The following SNX24 variants were observed in gnomAD, a reference collection of about 807,000 sequenced individuals.
SNX24 encodes the protein sorting nexin 24, also known as sorting nexin-24.
SNX24 carries 22 observed loss-of-function variants against 28.7 expected under a neutral mutation model. The observed-to-expected ratio is 0.77, with a 90% CI of 0.55 to 1.10. The LOEUF is 1.10. Among genes scored for constraint, SNX24 ranks in the 50% least tolerant of loss-of-function variants. SNX24 has a pLI of 0.00. For missense variants in SNX24, 221 were observed against 201.1 expected (o/e 1.10, Z -0.60); for synonymous variants, 69 against 71.5 (o/e 0.96, Z 0.18).
At chr5:122,960,870 A>G (rs1436432781) in intron 3 of SNX24, among the ~76,000 whole-genome samples, 2 of 152,168 alleles carry the variant, frequency 1.3e-5, no homozygotes, top group African/African-American at 4.8e-5. Context: ...CATGAAAACT[A>G]CAATGGTTAA....
intron 3 of SNX24, among the ~76,000 whole-genome samples, chr5:122,972,621 C>T (rs578102752): frequency 1.3e-5 from 2 of 152,286 alleles, no homozygotes; most frequent in East Asian, 3.9e-4. Flanking sequence ...GTGCCTTGAT[C>T]AGAGGCAGTG....
chr5:122,890,875 A>G (rs372799363), intron 1 of SNX24, among the ~76,000 whole-genome samples: 2 of 152,204 alleles, frequency 1.3e-5, no homozygotes, highest in South Asian at 2.1e-4. Context: ...CGTTAACTGT[A>G]ATCCTTTTTT....
intron 1 of SNX24, among the ~76,000 whole-genome samples, chr5:122,921,970 G>GA (rs1255440815): frequency 2.0e-5 from 3 of 152,112 alleles, no homozygotes; most frequent in Middle Eastern, 3.2e-3. Context: ...GAAGCTCTTG[G>GA]AATGTCCTTT....
rs1319346097 is a variant in SNX24, at chr5:122,875,775, AACATGAGGAAC to A, written c.60+30085_60+30095del. ...TGGTAGTCCTCTTTATGGCAAGCAA[AACATGAGGAAC>A]ACTTATTTATTTATTTTTTTGAGAC... On this transcript the variant is annotated intron_variant, in intron 1 of 6. Transcript: ENST00000261369. Among the ~76,000 whole-genome samples the A allele has an allele frequency of 3.9e-5, 6 of 152,312 alleles. No homozygotes were observed. The South Asian group carries it at 1.2e-3, about 32-fold the overall frequency.
chr5:122,914,589 A>G (rs1485260358), intron 1 of SNX24, among the ~76,000 whole-genome samples: 3 of 151,012 alleles, frequency 2.0e-5, no homozygotes, highest in Non-Finnish European at 4.4e-5. Context: ...TTATTGGTCT[A>G]TTCAGAGATT....
intron 1 of SNX24, among the ~76,000 whole-genome samples, chr5:122,869,761 AAT>A (rs1407176367): frequency 6.6e-6 from 1 of 152,176 alleles, no homozygotes; most frequent in African/African-American, 2.4e-5. Flanking sequence ...GTAGACTCTG[AAT>A]TCATTGTCTG....
At chr5:122,929,875 CTTT>C (rs1014217899) in intron 1 of SNX24, among the ~76,000 whole-genome samples, 1 of 150,100 alleles carries the variant, frequency 6.7e-6, no homozygotes, top group Admixed American at 6.6e-5. Context: ...TTGTGAATTC[CTTT>C]TTTTTTCTTT....
At chr5:123,000,167 A>C (rs1169125907) in intron 4 of SNX24, among the ~76,000 whole-genome samples, 161 bp downstream of exon 4, 1 of 152,202 alleles carries the variant, frequency 6.6e-6, no homozygotes, top group African/African-American at 2.4e-5. Flanking sequence ...TGGTTAAAAG[A>C]ATTCCTCTGA....
chr5:122,914,073 T>G (rs1758051650), intron 1 of SNX24, among the ~76,000 whole-genome samples: 1 of 152,072 alleles, frequency 6.6e-6, no homozygotes, highest in African/African-American at 2.4e-5. Flanking sequence ...CAGTCCAGCT[T>G]TGGCTTGGCA....
At chr5:122,911,586 G>A (rs1332784206) in intron 1 of SNX24, among the ~76,000 whole-genome samples, 6 of 144,756 alleles carry the variant, frequency 4.1e-5, no homozygotes, top group South Asian at 2.3e-4. Flanking sequence ...TTTCTTCTAG[G>A]GTTTTTATGG....
chr5:123,028,789 C>G, intron 5 of SNX24: 1 of 1,613,090 alleles, frequency 6.2e-7, no homozygotes, highest in Non-Finnish European at 8.5e-7. Flanking sequence ...AGTGCCATCT[C>G]CAGTGGTGAT....
chr5:122,928,432 T>G (rs1408170212), intron 1 of SNX24, among the ~76,000 whole-genome samples: 2 of 152,184 alleles, frequency 1.3e-5, no homozygotes, highest in Non-Finnish European at 2.9e-5. Flanking sequence ...TTTCCTGGCT[T>G]ATCTGGGTGG....
At chr5:122,960,617 G>A (rs750129507) in intron 3 of SNX24, among the ~76,000 whole-genome samples, 3 of 151,922 alleles carry the variant, frequency 2.0e-5, no homozygotes, top group Non-Finnish European at 4.4e-5. Flanking sequence ...TTTAAGTCCT[G>A]TGCAGACCCC....
intron 3 of SNX24, among the ~76,000 whole-genome samples, chr5:122,956,195 A>T (rs1234247702): frequency 6.6e-6 from 1 of 152,086 alleles, no homozygotes; most frequent in East Asian, 1.9e-4. Context: ...CTGCAGCTAT[A>T]ATAGAATGCC....
rs1581861731 is a variant in SNX24 at position 123,008,291 on chromosome 5, T to C, written c.*542T>C. ...AACTAAACTGGAAATTAAATTATAC[T>C]GACAATATTATGGCATTTTTAAGAT... On this transcript the variant is annotated 3_prime_UTR_variant, in exon 7 of 7. Coordinates refer to ENST00000261369, the MANE Select transcript of SNX24 (RefSeq NM_014035.4). 1 of 984,340 alleles carries C rather than the reference T, an allele frequency of 1.0e-6. No homozygotes were observed. Among genetic ancestry groups the C allele is most frequent in the Non-Finnish European group, 1.2e-6 (1 of 828,916 alleles). 61.0% of individuals were successfully genotyped at this position (984,340 alleles called of 1,614,324 possible).
At chr5:122,970,714 C>T (rs246325) in intron 3 of SNX24, among the ~76,000 whole-genome samples, 117,072 of 152,174 alleles carry the variant, frequency 0.77, 45,912 homozygotes, top group East Asian at 0.99. Flanking sequence ...GTGATCCGCC[C>T]GTCTTGGCCT....
At chr5:122,965,356 G>A (rs1458589886) in intron 3 of SNX24, 6 of 417,214 alleles carry the variant, frequency 1.4e-5, no homozygotes, top group African/African-American at 1.0e-4. Flanking sequence ...GGCTGCCACA[G>A]GTACCTGGAT....
At chr5:122,884,758 G>A (rs1031397683) in intron 1 of SNX24, among the ~76,000 whole-genome samples, 5 of 152,084 alleles carry the variant, frequency 3.3e-5, no homozygotes, top group Admixed American at 2.0e-4. Context: ...CGAGGAGTGG[G>A]GGTGCTCTGT....
intron 1 of SNX24, among the ~76,000 whole-genome samples, chr5:122,871,067 T>C (rs1424814282): frequency 6.6e-6 from 1 of 152,208 alleles, no homozygotes; most frequent in Admixed American, 6.5e-5. Flanking sequence ...GTGATTGTTA[T>C]GAACAGTGGA....
Sources: gnomAD v4.1 joint callset for allele counts (sites outside exome capture counted in the v4.1 genomes callset) on GRCh38, gnomAD v4.1.1 for gene constraint, MANE v1.5 for transcripts, NCBI Gene and HGNC (gene_info 2026-07-23, HGNC 2026-07-21) for gene names.